The following DCLK1 variants were observed in gnomAD, a reference collection of about 807,000 sequenced individuals.
DCLK1 encodes the protein doublecortin like kinase 1, also known as serine/threonine-protein kinase DCLK1.
DCLK1 carries 16 observed loss-of-function variants against 86.2 expected under a neutral mutation model. The ratio of observed to expected loss-of-function variants is 0.19; its 90% CI spans 0.13 to 0.28. The LOEUF (loss-of-function observed/expected upper bound fraction) is 0.28. DCLK1 is among the 10% of genes least tolerant of loss of function. DCLK1 has a pLI of 1.00. For missense variants in DCLK1, 590 were observed against 940.2 expected, an observed-to-expected ratio of 0.63 and a Z score of 4.87; for synonymous variants, 369 against 370.5, an observed-to-expected ratio of 1.00 and a Z score of 0.05.
chr13:36,093,899 A>C (rs1256523321), intron 3 of DCLK1, among the ~76,000 whole-genome samples: 1 of 151,996 alleles, frequency 6.6e-6, no homozygotes, highest in Admixed American at 6.5e-5. Flanking sequence ...TATATGGCAA[A>C]TATATGATTT....
At chr13:35,997,703 T>G (rs1369001435) in intron 3 of DCLK1, among the ~76,000 whole-genome samples, 2 of 152,108 alleles carry the variant, frequency 1.3e-5, no homozygotes, top group Non-Finnish European at 2.9e-5. Flanking sequence ...AAATCAGATA[T>G]AAAAGAACTT....
Position 35,967,841 on chromosome 13 carries a change from T to A in DCLK1, c.724-20384A>T, listed in dbSNP as rs560117346. ...TGATCAATAAATACTAAAAAAAATTTAAAAAAAAAAGTAAAAAATAAAAAT... is the reference window on the plus strand; with the variant it reads ...TGATCAATAAATACTAAAAAAAATTAAAAAAAAAAAGTAAAAAATAAAAAT... On this transcript the variant is annotated intron_variant, in intron 3 of 16. Coordinates refer to ENST00000360631, the MANE Select transcript of DCLK1 (RefSeq NM_001330071.2). 7.5e-5 allele frequency among the ~76,000 whole-genome samples: 11 copies of A among 147,604 alleles called. 1 individual carries two copies. Among genetic ancestry groups the A allele is most frequent in the South Asian group, 4.4e-4 (2 of 4,552 alleles).
chr13:35,995,669 C>T (rs918404600), intron 3 of DCLK1, among the ~76,000 whole-genome samples: 23 of 152,162 alleles, frequency 1.5e-4, no homozygotes, highest in Admixed American at 9.2e-4. Flanking sequence ...GCTTTTCTGA[C>T]TAAATCACAG....
chr13:35,835,686 C>T (rs750308274), intron 8 of DCLK1, among the ~76,000 whole-genome samples: 1 of 152,192 alleles, frequency 6.6e-6, no homozygotes, highest in Admixed American at 6.5e-5. Context: ...TATACTCTCA[C>T]AAGAACTTTC....
At chr13:35,834,962 G>A (rs1869250905) in intron 8 of DCLK1, among the ~76,000 whole-genome samples, 1 of 152,186 alleles carries the variant, frequency 6.6e-6, no homozygotes, top group South Asian at 2.1e-4. Context: ...GGGGTGCCAG[G>A]AGCACATAAG....
At chr13:36,007,614 T>C (rs1881038335) in intron 3 of DCLK1, among the ~76,000 whole-genome samples, 1 of 152,234 alleles carries the variant, frequency 6.6e-6, no homozygotes, top group South Asian at 2.1e-4. Flanking sequence ...AGATATTCTA[T>C]ATTGTAAGAA....
intron 3 of DCLK1, among the ~76,000 whole-genome samples, chr13:36,020,810 C>A (rs1374966698): frequency 6.6e-6 from 1 of 152,012 alleles, no homozygotes; most frequent in Non-Finnish European, 1.5e-5. Flanking sequence ...AGAAAAACCC[C>A]AAACAGAGAA....
intron 4 of DCLK1, among the ~76,000 whole-genome samples, chr13:35,886,306 C>T (rs879781940): frequency 2.6e-4 from 40 of 152,168 alleles, no homozygotes; most frequent in African/African-American, 4.6e-4. Flanking sequence ...ACACCATGCC[C>T]GGCGAATAGG....
intron 4 of DCLK1, among the ~76,000 whole-genome samples, chr13:35,887,878 C>CAAAAAAAAAAAAAAAAAAAAAAAAAAAAA (rs760195385): frequency 2.6e-5 from 1 of 38,744 alleles, no homozygotes; most frequent in Non-Finnish European, 4.9e-5. Context: ...GATCTTGTCT[C>CAAAAAAAAAAAAAAAAAAAAAAAAAAAAA]AAAAAAAAAA....
Position 35,823,553 on chromosome 13 carries a change from C to G in DCLK1, c.1408-678G>C, listed in dbSNP as rs1326626360. Among the ~76,000 whole-genome samples, 2 of 152,168 alleles carry G rather than the reference C, an allele frequency of 1.3e-5. 1 individual carries two copies. The highest frequency in any genetic ancestry group is 2.9e-5 in the Non-Finnish European group (2 of 68,034). On this transcript the variant is annotated intron_variant, in intron 10 of 16. Coordinates refer to ENST00000360631, the MANE Select transcript of DCLK1 (RefSeq NM_001330071.2). ...AAATCTCAAAGAAAGTTTTCTAGGA[C>G]TGTCATTCATCTGAACTTTTGTTTC...
rs1402173711 is a variant in DCLK1 at position 36,111,880 on chromosome 13, C to A, written c.712G>T (p.Asp238Tyr). The A allele has an allele frequency of 6.2e-7, 1 of 1,610,760 alleles. No homozygotes were observed. Among genetic ancestry groups the A allele is most frequent in the Non-Finnish European group, 8.5e-7 (1 of 1,177,544 alleles). Residue 238 changes from aspartate to tyrosine, a missense_variant, in exon 3 of 17, where the codon GAT becomes TAT. Transcript: ENST00000360631. ...AATATGTCTCTTACCTGTTTCCCAT[C>A]CAACGTGTACAGGCGTTTCACCACT... Reference protein sequence around the residue: ...SGVVKRLYTLDGKQVMCLQDF... With the variant: ...SGVVKRLYTLYGKQVMCLQDF...
At chr13:36,007,134 A>G (rs1443708575) in intron 3 of DCLK1, among the ~76,000 whole-genome samples, 1 of 152,160 alleles carries the variant, frequency 6.6e-6, no homozygotes. Context: ...CATAAGCCCA[A>G]CTATGTCATA....
At chr13:35,802,924 C>A (rs935712345) in intron 15 of DCLK1, among the ~76,000 whole-genome samples, 2 of 152,148 alleles carry the variant, frequency 1.3e-5, no homozygotes, top group African/African-American at 4.8e-5. Flanking sequence ...CTCTTCCTCC[C>A]CGCACAGCTA....
At chr13:35,795,851 G>T (rs924614705) in intron 15 of DCLK1, among the ~76,000 whole-genome samples, 2 of 151,062 alleles carry the variant, frequency 1.3e-5, no homozygotes, top group African/African-American at 4.9e-5. Flanking sequence ...GCTTGAGCCC[G>T]GAGGCGGAAT....
Position 35,788,910 on chromosome 13 carries a change from C to G in DCLK1, c.2058+4456G>C, listed in dbSNP as rs116905719. ...CTAAGAAGATAGAGTATAAAACAGT[C>G]AATAAATTTTCTCTATGAAAATATG... On this transcript the variant is annotated intron_variant, in intron 16 of 16. Coordinates refer to ENST00000360631, the MANE Select transcript of DCLK1 (RefSeq NM_001330071.2). Among the ~76,000 whole-genome samples the G allele has an allele frequency of 1.6e-3, 236 of 152,010 alleles. 1 individual carries two copies. Among genetic ancestry groups the G allele is most frequent in the Non-Finnish European group, 2.4e-3 (161 of 67,954 alleles).
intron 3 of DCLK1, among the ~76,000 whole-genome samples, chr13:35,966,448 C>T (rs2153138307): frequency 6.6e-6 from 1 of 151,840 alleles, no homozygotes; most frequent in South Asian, 2.1e-4. Context: ...AGAGATTATT[C>T]AGCCTTAAAA....
At chr13:35,978,487 T>A (rs999101819) in intron 3 of DCLK1, among the ~76,000 whole-genome samples, 8 of 152,166 alleles carry the variant, frequency 5.3e-5, no homozygotes, top group Non-Finnish European at 2.9e-5. Flanking sequence ...ATTACCGGCG[T>A]GAGCCACCGT....
intron 11 of DCLK1, 124 bp downstream of exon 11, chr13:35,822,604 AG>A (rs2087422215): frequency 7.2e-7 from 1 of 1,381,412 alleles, no homozygotes; most frequent in African/African-American, 1.5e-5. Flanking sequence ...TAGCTCCTGA[AG>A]GCTAACTGGA....
intron 3 of DCLK1, 73 bp downstream of exon 3, chr13:36,111,796 T>C: frequency 2.9e-6 from 4 of 1,392,338 alleles, no homozygotes; most frequent in Non-Finnish European, 3.9e-6. Context: ...AAATGTATGC[T>C]TTAGCCACGT....
Sources: gnomAD v4.1 joint callset for allele counts (sites outside exome capture counted in the v4.1 genomes callset) on GRCh38, gnomAD v4.1.1 for gene constraint, MANE v1.5 for transcripts, NCBI Gene and HGNC (gene_info 2026-07-23, HGNC 2026-07-21) for gene names.